Variants in MMP16 observed in about 807,000 individuals in gnomAD.
MMP16 encodes matrix metallopeptidase 16, also known as matrix metalloproteinase-16.
MMP16 carries 12 observed loss-of-function variants against 67.8 expected under a neutral mutation model. That is an observed-to-expected ratio of 0.18 (90% CI 0.11 to 0.29). The LOEUF is 0.29. Among genes scored for constraint, MMP16 ranks in the 10% least tolerant of loss-of-function variants. The pLI is 1.00. For synonymous variants in MMP16, 249 were observed against 255.9 expected (o/e 0.97, Z 0.26); for missense variants, 475 against 765.7 (o/e 0.62, Z 4.48).
rs1325215359 is a variant in MMP16, at chr8:88,037,254, T to C, written c.*4207A>G. 1 of 151,592 alleles carries C rather than the reference T, an allele frequency of 6.6e-6. No homozygotes were observed. The highest frequency in any genetic ancestry group is 1.9e-4 in the East Asian group (1 of 5,172). 9.4% of individuals were successfully genotyped at this position (151,592 alleles called of 1,614,324 possible). On this transcript the variant is annotated 3_prime_UTR_variant, in exon 10 of 10. Transcript: ENST00000286614. Reference sequence around the variant, plus strand: ...TTCTTATCCACCACATTGTGTTTTTTAATGACCCACAGAGAGGGAATGAAA... The same window carrying C: ...TTCTTATCCACCACATTGTGTTTTTCAATGACCCACAGAGAGGGAATGAAA...
chr8:88,167,036 A>AC (rs879472187), intron 4 of MMP16, among the ~76,000 whole-genome samples: 4 of 151,936 alleles, frequency 2.6e-5, no homozygotes, highest in Non-Finnish European at 5.9e-5. Flanking sequence ...ACATGGTGAA[A>AC]CCCCATCTCT....
At chr8:88,187,236 C>T (rs1809089614) in intron 2 of MMP16, among the ~76,000 whole-genome samples, 1 of 152,066 alleles carries the variant, frequency 6.6e-6, no homozygotes, top group South Asian at 2.1e-4. Context: ...TGAGGTTTTG[C>T]ACTCACAAGA....
chr8:88,268,178 A>C (rs1419159916), intron 1 of MMP16, among the ~76,000 whole-genome samples: 4 of 152,130 alleles, frequency 2.6e-5, no homozygotes, highest in Admixed American at 1.3e-4. Context: ...CCCTGTCTCT[A>C]CTAAAAATAC....
intron 4 of MMP16, among the ~76,000 whole-genome samples, chr8:88,163,817 T>C (rs1808669714): frequency 6.6e-6 from 1 of 152,128 alleles, no homozygotes; most frequent in Admixed American, 6.6e-5. Flanking sequence ...TCATGATACA[T>C]ATTTTCTATT....
chr8:88,079,871 CATAG>C (rs1808716988), intron 6 of MMP16, among the ~76,000 whole-genome samples: 1 of 152,166 alleles, frequency 6.6e-6, no homozygotes, highest in Admixed American at 6.5e-5. Flanking sequence ...CCTCACCTTA[CATAG>C]AATCAGCTGG....
intron 1 of MMP16, among the ~76,000 whole-genome samples, chr8:88,220,294 T>C (rs539517911): frequency 6.6e-6 from 1 of 152,290 alleles, no homozygotes; most frequent in South Asian, 2.1e-4. Context: ...TGTGTGTGTT[T>C]TGTTATGACT....
chr8:88,063,373 G>A (rs925530061), intron 7 of MMP16, among the ~76,000 whole-genome samples: 3 of 151,868 alleles, frequency 2.0e-5, no homozygotes, highest in Admixed American at 1.3e-4. Context: ...AAAAGTTCCT[G>A]TCTTTGTGGA....
At chr8:88,075,204 T>C (rs1808627582) in intron 6 of MMP16, among the ~76,000 whole-genome samples, 1 of 152,184 alleles carries the variant, frequency 6.6e-6, no homozygotes, top group Admixed American at 6.5e-5. Flanking sequence ...TATTGTCTCA[T>C]ATAGTTATAA....
chr8:88,077,204 A>G (rs1400764835), intron 6 of MMP16, among the ~76,000 whole-genome samples: 1 of 152,204 alleles, frequency 6.6e-6, no homozygotes, highest in African/African-American at 2.4e-5. Flanking sequence ...CCTCTATTCA[A>G]CTTATCCTCA....
chr8:88,326,836 A>T, intron 1 of MMP16: 1 of 448,836 alleles, frequency 2.2e-6, no homozygotes, highest in Non-Finnish European at 4.1e-6. Flanking sequence ...GACCGGCTAC[A>T]ATTGTGTCTT....
intron 4 of MMP16, among the ~76,000 whole-genome samples, chr8:88,158,721 T>C (rs1353655969): frequency 2.0e-5 from 3 of 152,236 alleles, no homozygotes; most frequent in Non-Finnish European, 4.4e-5. Flanking sequence ...TTTGGTGTTT[T>C]AGTCATGAAG....
intron 6 of MMP16, among the ~76,000 whole-genome samples, chr8:88,107,705 T>C (rs1809266391): frequency 6.6e-6 from 1 of 151,164 alleles, no homozygotes; most frequent in Admixed American, 6.6e-5. Flanking sequence ...TTTACAAGTG[T>C]AGCCCTAGAT....
At chr8:88,148,572 T>A (rs1808335606) in intron 4 of MMP16, among the ~76,000 whole-genome samples, 1 of 152,228 alleles carries the variant, frequency 6.6e-6, no homozygotes, top group Non-Finnish European at 1.5e-5. Context: ...TTGCTCACCT[T>A]GCCCTTGAAC....
chr8:88,173,489 C>T (rs62525952), intron 3 of MMP16, among the ~76,000 whole-genome samples: 35,321 of 151,820 alleles, frequency 0.23, 4,212 homozygotes, highest in Middle Eastern at 0.29. Context: ...ATAAACAGGG[C>T]TAAATCTCCT....
intron 7 of MMP16, among the ~76,000 whole-genome samples, chr8:88,070,807 C>T (rs1363742619): frequency 1.3e-5 from 2 of 152,076 alleles, no homozygotes; most frequent in Admixed American, 6.6e-5. Context: ...TTTCTTGATA[C>T]CCAGTGTCTT....
At position 88,196,289 on chromosome 8, in the gene MMP16, T is replaced by A. The variant is rs534698569; in HGVS notation, c.281+869A>T. ...GTATCAAGGATTCTAAAAACACAAA[T>A]AATTTTTCCCTCTACTGAAAAAAAT... On this transcript the variant is annotated intron_variant, in intron 2 of 9. Transcript: ENST00000286614. Among the ~76,000 whole-genome samples, 580 of 152,302 alleles carry A rather than the reference T, an allele frequency of 3.8e-3. 5 individuals are homozygous for A. Among genetic ancestry groups the A allele is most frequent in the Non-Finnish European group, 5.7e-3 (386 of 68,012 alleles).
chr8:88,057,956 A>C (rs1189994604), intron 7 of MMP16, among the ~76,000 whole-genome samples: 1 of 152,126 alleles, frequency 6.6e-6, no homozygotes. Context: ...AAAACTACTG[A>C]AGGCTTGAAA....
Position 88,118,579 on chromosome 8 carries a change from C to T in MMP16, c.871+121G>A, listed in dbSNP as rs1361770548. The T allele has an allele frequency of 5.4e-6, 5 of 919,336 alleles. No homozygotes were observed. In the African/African-American group the frequency reaches 8.4e-5, roughly 15 times the overall value. The allele number at this position is 919,336 out of a possible 1,614,324, so 56.9% of individuals were successfully genotyped here. A position where few individuals can be genotyped will look rare whatever the true frequency, so the allele number is the denominator to read the frequency against. Reference sequence around the variant, plus strand: ...TAGAATAATTTTGCCAGTAGGCCAGCTACATACTTTTTCTGTAGTCATCTG... The same window carrying T: ...TAGAATAATTTTGCCAGTAGGCCAGTTACATACTTTTTCTGTAGTCATCTG... On this transcript the variant is annotated intron_variant, in intron 5 of 9. Coordinates refer to ENST00000286614, the MANE Select transcript of MMP16 (RefSeq NM_005941.5).
rs563251919 is a variant in MMP16, at chr8:88,206,264, C to T, written c.133-8958G>A. Reference sequence around the variant, plus strand: ...TCCATTCTTGAAATTTTTCATCACCCCAAACTGAAACTATATATAGAAAAG... The same window carrying T: ...TCCATTCTTGAAATTTTTCATCACCTCAAACTGAAACTATATATAGAAAAG... On this transcript the variant is annotated intron_variant, in intron 1 of 9. Coordinates refer to ENST00000286614, the MANE Select transcript of MMP16 (RefSeq NM_005941.5). Among the ~76,000 whole-genome samples the T allele has an allele frequency of 2.0e-5, 3 of 152,210 alleles. No homozygotes were observed. The South Asian group carries it at 6.2e-4, about 32-fold the overall frequency.
Sources: gnomAD v4.1 joint callset for allele counts (sites outside exome capture counted in the v4.1 genomes callset) on GRCh38, gnomAD v4.1.1 for gene constraint, MANE v1.5 for transcripts, NCBI Gene and HGNC (gene_info 2026-07-23, HGNC 2026-07-21) for gene names.